MCTP2: variants seen among roughly 807,000 people sequenced by gnomAD.
MCTP2 encodes multiple C2 and transmembrane domain-containing protein 2.
In MCTP2, 132 loss-of-function variants were observed where a neutral mutation model predicts 111.6. That is an observed-to-expected ratio of 1.18 (90% CI 1.03 to 1.37). The LOEUF is 1.37. MCTP2 is among the 40% of genes most tolerant of loss of function. MCTP2 has a pLI of 0.00. For missense variants in MCTP2, 1,183 were observed against 1,067.9 expected, an observed-to-expected ratio of 1.11 and a Z score of -1.50; for synonymous variants, 395 against 387.7, an observed-to-expected ratio of 1.02 and a Z score of -0.22.
chr15:94,471,726 T>C (rs2073945352), intron 21 of MCTP2, among the ~76,000 whole-genome samples: 2 of 149,698 alleles, frequency 1.3e-5, no homozygotes. Context: ...AACATAGAGC[T>C]CTTCAGGGCC....
intron 1 of MCTP2, among the ~76,000 whole-genome samples, chr15:94,267,713 T>G (rs2152292417): frequency 6.6e-6 from 1 of 152,174 alleles, no homozygotes; most frequent in African/African-American, 2.4e-5. Flanking sequence ...GTATGAGAAT[T>G]CCGCTTTCTC....
intron 10 of MCTP2, among the ~76,000 whole-genome samples, chr15:94,365,097 A>G (rs2079116957): frequency 6.6e-6 from 1 of 152,188 alleles, no homozygotes; most frequent in Non-Finnish European, 1.5e-5. Flanking sequence ...CAGGACCTCT[A>G]AGAGGCTGGG....
chr15:94,284,952 T>C (rs567758127), intron 1 of MCTP2, among the ~76,000 whole-genome samples: 13 of 152,350 alleles, frequency 8.5e-5, no homozygotes, highest in African/African-American at 3.1e-4. Context: ...TTTGTATTTT[T>C]GTTGAAATTT....
intron 17 of MCTP2, among the ~76,000 whole-genome samples, chr15:94,439,404 C>T (rs915126491): frequency 1.7e-4 from 25 of 150,236 alleles, no homozygotes; most frequent in African/African-American, 5.8e-4. Flanking sequence ...GAGTTTGAAA[C>T]GAAAGTGAGA....
At chr15:94,294,840 G>T (rs1225783745) in intron 1 of MCTP2, among the ~76,000 whole-genome samples, 1 of 151,830 alleles carries the variant, frequency 6.6e-6, no homozygotes, top group Non-Finnish European at 1.5e-5. Flanking sequence ...GCAGATTCTT[G>T]GGACTCACGT....
At position 94,285,001 on chromosome 15, in the gene MCTP2, G is replaced by C. The variant is rs182220475; in HGVS notation, c.-65-13200G>C. On this transcript the variant is annotated intron_variant, in intron 1 of 22. Coordinates refer to ENST00000357742, the MANE Select transcript of MCTP2 (RefSeq NM_001385001.1). Reference sequence around the variant, plus strand: ...AATATTTCAGGGTTCAGGTCTCTAAGACCACTCTCAGCTTTGGTAATTCTC... The same window carrying C: ...AATATTTCAGGGTTCAGGTCTCTAACACCACTCTCAGCTTTGGTAATTCTC... Among the ~76,000 whole-genome samples, 51 of 152,278 alleles carry C rather than the reference G, an allele frequency of 3.3e-4. 2 individuals are homozygous for C. The highest frequency in any genetic ancestry group is 1.2e-3 in the African/African-American group (50 of 41,560).
rs776946528 is a variant in MCTP2 at position 94,470,321 on chromosome 15, G to A, written c.2361-12G>A. 5.7e-6 allele frequency: 9 copies of A among 1,573,404 alleles called. No individual in the cohort carries two copies. The Admixed American group carries it at 1.3e-4, about 23-fold the overall frequency. On this transcript the variant is annotated splice_polypyrimidine_tract_variant and intron_variant, in intron 20 of 22. Transcript: ENST00000357742. ...CATCAGAGGAAATTATATTTATGTG[G>A]TTTGTCTACAGCACATTTAACTGGA...
intron 1 of MCTP2, among the ~76,000 whole-genome samples, chr15:94,293,783 A>G (rs1186394333): frequency 6.6e-6 from 1 of 152,218 alleles, no homozygotes; most frequent in Non-Finnish European, 1.5e-5. Context: ...TTGGTCTGTT[A>G]AAGTCTGGCA....
chr15:94,262,665 T>C (rs2152284201), intron 1 of MCTP2, among the ~76,000 whole-genome samples: 1 of 151,982 alleles, frequency 6.6e-6, no homozygotes, highest in East Asian at 1.9e-4. Flanking sequence ...TTCTTTCTTT[T>C]TTTTTTTGTG....
rs1365477277 is a variant in MCTP2, at chr15:94,280,710, C to T, written c.-65-17491C>T. On this transcript the variant is annotated intron_variant, in intron 1 of 22. Coordinates refer to ENST00000357742, the MANE Select transcript of MCTP2 (RefSeq NM_001385001.1). ...GATTGTTAATTTGAGATCTTTCTAA[C>T]TTCTTGATGTAGGCATTTAGCATTA... Among the ~76,000 whole-genome samples the T allele has an allele frequency of 2.0e-5, 3 of 152,098 alleles. No individual in the cohort carries two copies. In the East Asian group the frequency reaches 5.8e-4, roughly 29 times the overall value.
At chr15:94,473,759 CAG>C (rs2074116373) in intron 21 of MCTP2, among the ~76,000 whole-genome samples, 1 of 152,178 alleles carries the variant, frequency 6.6e-6, no homozygotes, top group South Asian at 2.1e-4. Flanking sequence ...GGAAGACACT[CAG>C]AATTTGATAA....
In MCTP2 at chr15:94,421,093, TA is replaced by T. The variant is rs1219978321; in HGVS notation, c.2085+19075del. Reference sequence around the variant, plus strand: ...GACTCACTGAAAGCTCGGATGATAGTATTTTTTTTTTTTTTTTAGCAATGAA... The same window carrying T: ...GACTCACTGAAAGCTCGGATGATAGTTTTTTTTTTTTTTTTTAGCAATGAA... On this transcript the variant is annotated intron_variant, in intron 17 of 22. Transcript: ENST00000357742. Among the ~76,000 whole-genome samples the T allele has an allele frequency of 6.6e-5, 9 of 136,652 alleles. 1 individual carries two copies. The South Asian group carries it at 2.2e-3, about 33-fold the overall frequency. The allele number at this position is 136,652 out of a possible 152,430, so 89.6% of individuals were successfully genotyped here. A position where few individuals can be genotyped will look rare whatever the true frequency, so the allele number is the denominator to read the frequency against.
intron 1 of MCTP2, among the ~76,000 whole-genome samples, chr15:94,244,266 A>C (rs566711916): frequency 4.8e-5 from 7 of 145,324 alleles, no homozygotes; most frequent in Non-Finnish European, 1.1e-4. Flanking sequence ...GTATATATTT[A>C]TATACACACA....
chr15:94,452,043 G>A (rs1465299105), intron 19 of MCTP2, among the ~76,000 whole-genome samples: 2 of 152,090 alleles, frequency 1.3e-5, no homozygotes, highest in Non-Finnish European at 2.9e-5. Flanking sequence ...AATTCAGAAA[G>A]GGTAAAGAAC....
At chr15:94,386,106 G>A (rs1424162648) in intron 14 of MCTP2, among the ~76,000 whole-genome samples, 2 of 152,034 alleles carry the variant, frequency 1.3e-5, no homozygotes, top group African/African-American at 4.8e-5. Flanking sequence ...AATGCACCAG[G>A]GTCCGTGAAG....
chr15:94,359,002 C>T (rs1381105099), intron 10 of MCTP2, among the ~76,000 whole-genome samples: 1 of 152,134 alleles, frequency 6.6e-6, no homozygotes, highest in Non-Finnish European at 1.5e-5. Context: ...TTTCGCTGTC[C>T]TTGATGTACT....
At chr15:94,296,126 T>C (rs532143762) in intron 1 of MCTP2, among the ~76,000 whole-genome samples, 4 of 152,332 alleles carry the variant, frequency 2.6e-5, no homozygotes, top group African/African-American at 9.6e-5. Flanking sequence ...TTCTTACAGA[T>C]TCCTCCCAGG....
intron 4 of MCTP2, among the ~76,000 whole-genome samples, chr15:94,316,595 C>T (rs2076389393): frequency 6.6e-6 from 1 of 152,088 alleles, no homozygotes; most frequent in South Asian, 2.1e-4. Context: ...TATATAACGT[C>T]CAGTATTCAA....
At chr15:94,407,459 T>C (rs776076734) in intron 17 of MCTP2, among the ~76,000 whole-genome samples, 18 of 152,208 alleles carry the variant, frequency 1.2e-4, no homozygotes, top group Non-Finnish European at 1.8e-4. Flanking sequence ...TCAACGAGTA[T>C]CTTCATAAAG....
Sources: allele counts gnomAD v4.1 joint callset (sites outside exome capture counted in the v4.1 genomes callset), GRCh38; gene constraint gnomAD v4.1.1; transcripts MANE v1.5; gene names NCBI Gene and HGNC (gene_info 2026-07-23, HGNC 2026-07-21).